The following ATP6V0E1 variants were observed in gnomAD, a reference collection of about 807,000 sequenced individuals.
ATP6V0E1 encodes ATPase H+ transporting V0 subunit e1, also known as V-type proton ATPase subunit e 1.
A neutral mutation model predicts 11.6 loss-of-function variants in ATP6V0E1; 4 were observed. The observed-to-expected ratio is 0.35, with a 90% CI of 0.17 to 0.79. The LOEUF (loss-of-function observed/expected upper bound fraction) is 0.79, where lower values mean the gene tolerates loss of function less well. Among genes scored for constraint, ATP6V0E1 ranks in the 30% least tolerant of loss-of-function variants. ATP6V0E1 has a pLI of 0.54. For missense variants in ATP6V0E1, 105 were observed against 100.0 expected, an observed-to-expected ratio of 1.05 and a Z score of -0.21; for synonymous variants, 36 against 34.8, an observed-to-expected ratio of 1.04 and a Z score of -0.13.
chr5:172,986,997 A>G (rs1184919321), intron 1 of ATP6V0E1: 3 of 229,970 alleles, frequency 1.3e-5, no homozygotes, highest in African/African-American at 2.4e-5. Context: ...CATGTTGGCC[A>G]GGATGGTCTC....
In ATP6V0E1 at chr5:173,009,755, C is replaced by T. The variant is rs188498746; in HGVS notation, c.153-10483C>T. On this transcript the variant is annotated intron_variant, in intron 2 of 3. Transcript: ENST00000519374. ...CTGGGATTACAGGCGTGAGCCACTG[C>T]GCCTGGCCTCTTTTTTTTTTTTTTT... Among the ~76,000 whole-genome samples, 597 of 143,984 alleles carry T rather than the reference C, an allele frequency of 4.1e-3. 6 individuals are homozygous for T. Among genetic ancestry groups the T allele is most frequent in the African/African-American group, 0.015 (561 of 38,118 alleles). 94.5% of individuals were successfully genotyped at this position (143,984 alleles called of 152,430 possible). A position where few individuals can be genotyped will look rare whatever the true frequency, so the allele number is the denominator to read the frequency against.
intron 1 of ATP6V0E1, among the ~76,000 whole-genome samples, chr5:172,993,400 T>C (rs1006017090): frequency 5.3e-5 from 8 of 151,884 alleles, no homozygotes; most frequent in Non-Finnish European, 1.0e-4. Context: ...TCTCAGCTAC[T>C]TGGGCTGAGG....
intron 2 of ATP6V0E1, among the ~76,000 whole-genome samples, chr5:173,008,688 T>C (rs1394379270): frequency 6.8e-6 from 1 of 147,992 alleles, no homozygotes; most frequent in Non-Finnish European, 1.5e-5. Flanking sequence ...GGTGGGCGGA[T>C]CACGAGGTCA....
intron 2 of ATP6V0E1, among the ~76,000 whole-genome samples, chr5:173,012,871 C>T (rs968203012): frequency 1.3e-5 from 2 of 152,036 alleles, no homozygotes; most frequent in Non-Finnish European, 2.9e-5. Context: ...ATGACTAAGA[C>T]CTCAAAAGCA....
Position 173,020,274 on chromosome 5 carries a change from C to G in ATP6V0E1, c.189C>G (p.Leu63=), listed in dbSNP as rs765802797. 9.3e-6 allele frequency: 15 copies of G among 1,613,900 alleles called. No individual in the cohort carries two copies. The Admixed American group carries it at 2.5e-4, about 27-fold the overall frequency. The change falls in exon 3 of 4, where the codon CTC becomes CTG. Residue 63 remains leucine, a synonymous_variant. Transcript: ENST00000519374. ...LIAILAQLNP[L]FGPQLKNETI... is the part of the protein sequence containing the mutation. ...CAATTCTGGCCCAACTCAACCCTCT[C>G]TTTGGACCGCAATTGAAAAATGAAA... is the stretch of plus-strand genomic sequence containing the variant.
At chr5:173,031,803 A>T (rs1409815676) in intron 3 of ATP6V0E1, among the ~76,000 whole-genome samples, 1 of 144,484 alleles carries the variant, frequency 6.9e-6, no homozygotes, top group East Asian at 2.2e-4. Flanking sequence ...AGCCTGGGCG[A>T]GAGAGCGAGA....
intron 2 of ATP6V0E1, among the ~76,000 whole-genome samples, chr5:172,997,681 T>C (rs1203687004): frequency 6.6e-6 from 1 of 151,608 alleles, no homozygotes; most frequent in Non-Finnish European, 1.5e-5. Flanking sequence ...AGCGTGGTGG[T>C]GGGTGCCTGT....
At chr5:172,998,927 T>A (rs887670469) in intron 2 of ATP6V0E1, among the ~76,000 whole-genome samples, 4 of 152,032 alleles carry the variant, frequency 2.6e-5, no homozygotes, top group African/African-American at 9.7e-5. Context: ...GATCACAAGG[T>A]CAGGAGTTCG....
intron 3 of ATP6V0E1, among the ~76,000 whole-genome samples, chr5:173,024,455 G>A (rs1465813678): frequency 1.3e-5 from 2 of 151,980 alleles, no homozygotes; most frequent in East Asian, 3.8e-4. Context: ...TACTTTTGGT[G>A]TTAGTTTTTG....
Position 172,985,016 on chromosome 5 carries a change from G to A in ATP6V0E1, c.104+1052G>A, listed in dbSNP as rs536331547. 4.6e-5 allele frequency among the ~76,000 whole-genome samples: 7 copies of A among 152,296 alleles called. No homozygotes were observed. In the East Asian group the frequency reaches 7.7e-4, roughly 17 times the overall value. On this transcript the variant is annotated intron_variant, in intron 1 of 3. Transcript: ENST00000519374. ...AATCCCAGCACTTTGGGAGGCCAAG[G>A]CGGGCGGATCACGAGGTCAGGAGAT... is the stretch of plus-strand genomic sequence containing the variant.
intron 3 of ATP6V0E1, among the ~76,000 whole-genome samples, chr5:173,024,522 C>A (rs1277266672): frequency 6.6e-6 from 1 of 151,992 alleles, no homozygotes; most frequent in East Asian, 1.9e-4. Flanking sequence ...TCTATATTTT[C>A]TGTCCGAGAC....
intron 2 of ATP6V0E1, among the ~76,000 whole-genome samples, chr5:172,999,496 T>A (rs1276612161): frequency 6.6e-6 from 1 of 152,114 alleles, no homozygotes; most frequent in East Asian, 1.9e-4. Flanking sequence ...GCTAATTTTT[T>A]AAATTTTTAG....
intron 3 of ATP6V0E1, among the ~76,000 whole-genome samples, chr5:173,021,777 G>C (rs752458154): frequency 6.6e-6 from 1 of 152,178 alleles, no homozygotes; most frequent in Non-Finnish European, 1.5e-5. Flanking sequence ...GGTCGTGCGC[G>C]GTGGCTCACG....
At chr5:173,020,909 C>A in intron 3 of ATP6V0E1, 1 of 519,816 alleles carries the variant, frequency 1.9e-6, no homozygotes, top group South Asian at 1.4e-5. Context: ...CTGCTTAGTT[C>A]TAGTCTGGGA....
chr5:173,028,597 C>T (rs778880960), intron 3 of ATP6V0E1, among the ~76,000 whole-genome samples: 7 of 152,190 alleles, frequency 4.6e-5, no homozygotes, highest in African/African-American at 9.7e-5. Context: ...AAGAACACAC[C>T]GTTAAATACA....
intron 2 of ATP6V0E1, among the ~76,000 whole-genome samples, chr5:172,998,369 G>A (rs1756099788): frequency 6.6e-6 from 1 of 151,804 alleles, no homozygotes. Flanking sequence ...CACTCTGGGA[G>A]GCCAAGGCGG....
chr5:173,026,330 G>A (rs977653966), intron 3 of ATP6V0E1, among the ~76,000 whole-genome samples: 2 of 152,028 alleles, frequency 1.3e-5, no homozygotes, highest in East Asian at 1.9e-4. Context: ...TGGCAGTTTC[G>A]TCACCAGTTT....
intron 3 of ATP6V0E1, 144 bp from the exon 4 acceptor site, chr5:173,034,255 A>G (rs1756707058): frequency 1.1e-5 from 7 of 652,650 alleles, no homozygotes; most frequent in Non-Finnish European, 2.0e-5. Context: ...CCAAACTTGC[A>G]CCAAGTTGAT....
intron 1 of ATP6V0E1, among the ~76,000 whole-genome samples, chr5:172,986,201 G>A (rs1223708908): frequency 6.6e-6 from 1 of 152,124 alleles, no homozygotes; most frequent in Non-Finnish European, 1.5e-5. Context: ...TAGAAACACT[G>A]TATACTTAGG....
Sources: gnomAD v4.1 joint callset for allele counts (sites outside exome capture counted in the v4.1 genomes callset) on GRCh38, gnomAD v4.1.1 for gene constraint, MANE v1.5 for transcripts, NCBI Gene and HGNC (gene_info 2026-07-23, HGNC 2026-07-21) for gene names.